The following CASR variants were observed in gnomAD, a reference collection of about 807,000 sequenced individuals.
CASR encodes calcium sensing receptor.
In CASR, 23 loss-of-function variants were observed where a neutral mutation model predicts 69.1. The ratio of observed to expected loss-of-function variants is 0.33; its 90% CI spans 0.24 to 0.47. The LOEUF (loss-of-function observed/expected upper bound fraction) is 0.47, where lower values mean the gene tolerates loss of function less well. CASR is among the 20% of genes least tolerant of loss of function. CASR has a pLI of 1.00. For synonymous variants in CASR, 541 were observed against 544.7 expected, an observed-to-expected ratio of 0.99 and a Z score of 0.10; for missense variants, 924 against 1,356.1, an observed-to-expected ratio of 0.68 and a Z score of 5.00.
At chr3:122,238,155 G>C (rs2074346752) in intron 1 of CASR, among the ~76,000 whole-genome samples, 2 of 152,190 alleles carry the variant, frequency 1.3e-5, no homozygotes, top group African/African-American at 4.8e-5. Context: ...GCACTGAGGA[G>C]GGTAGGAAAG....
intron 1 of CASR, among the ~76,000 whole-genome samples, chr3:122,238,564 A>AG (rs2074351807): frequency 6.6e-6 from 1 of 152,236 alleles, no homozygotes; most frequent in South Asian, 2.1e-4. Flanking sequence ...GGACTAGAGC[A>AG]GCAGGTGACC....
intron 1 of CASR, among the ~76,000 whole-genome samples, chr3:122,200,277 C>A (rs188997880): frequency 8.5e-5 from 13 of 152,252 alleles, no homozygotes; most frequent in African/African-American, 2.4e-5. Context: ...ATGCTAATTA[C>A]CCTGATTTGA....
At position 122,254,451 on chromosome 3, in the gene CASR, T is replaced by C. The variant is rs2074532814; in HGVS notation, c.185+77T>C. The C allele has an allele frequency of 2.8e-6, 4 of 1,438,422 alleles. No homozygotes were observed. In the South Asian group the frequency reaches 4.6e-5, roughly 17 times the overall value. The allele number at this position is 1,438,422 out of a possible 1,614,324, so 89.1% of individuals were successfully genotyped here. ...AAAAGCTGCACCAAACGCAAAATAATTTTTTCAAACTTTGTCCTATCTTTT... is the reference window on the plus strand; with the variant it reads ...AAAAGCTGCACCAAACGCAAAATAACTTTTTCAAACTTTGTCCTATCTTTT... On this transcript the variant is annotated intron_variant, in intron 2 of 6. Coordinates refer to ENST00000639785, the MANE Select transcript of CASR (RefSeq NM_000388.4).
In CASR at chr3:122,236,829, T is replaced by C. The variant is rs1332590138; in HGVS notation, c.-242-17119T>C. On this transcript the variant is annotated intron_variant, in intron 1 of 6. Transcript: ENST00000639785. ...ATTAACAAATATATCTAGAAAAATA[T>C]GAAGTAGTCCTAAGCAGAAAGGTTT... Among the ~76,000 whole-genome samples the C allele has an allele frequency of 3.3e-5, 5 of 152,144 alleles. No homozygotes were observed. In the East Asian group the frequency reaches 9.6e-4, roughly 29 times the overall value.
At chr3:122,254,441 C>T (rs931087409) in intron 2 of CASR, 67 bp downstream of exon 2, 69 of 1,486,274 alleles carry the variant, frequency 4.6e-5, no homozygotes, top group East Asian at 2.9e-4. Flanking sequence ...CTGCACCAAA[C>T]GCAAAATAAT....
Position 122,252,441 on chromosome 3 carries a change from GAAAGAAAA to G in CASR, c.-242-1503_-242-1496del, listed in dbSNP as rs764668444. On this transcript the variant is annotated intron_variant, in intron 1 of 6. Coordinates refer to ENST00000639785, the MANE Select transcript of CASR (RefSeq NM_000388.4). ...AGAAAGAAAGAAAGAAAGAAAGAAA[GAAAGAAAA>G]AAAAGAAAAGAAAGAAAAGAAAAGA... is the stretch of plus-strand genomic sequence containing the variant. Among the ~76,000 whole-genome samples, 272 of 79,094 alleles carry G rather than the reference GAAAGAAAA, an allele frequency of 3.4e-3. 17 individuals are homozygous for G. The highest frequency in any genetic ancestry group is 6.9e-3 in the Middle Eastern group (1 of 144). The allele number at this position is 79,094 out of a possible 152,430, so 51.9% of individuals were successfully genotyped here.
intron 1 of CASR, among the ~76,000 whole-genome samples, chr3:122,248,255 A>G (rs1036508797): frequency 1.3e-5 from 2 of 152,220 alleles, no homozygotes; most frequent in African/African-American, 4.8e-5. Context: ...AGAGTCCCTA[A>G]TTCTTTGGCA....
rs192993661 is a variant in CASR at position 122,212,433 on chromosome 3, G to A, written c.-243+28621G>A. ...AAGTTGGGGTCAGGGAGCACATCAG[G>A]ATAAATAGCTAATGCATGCTGGGCT... On this transcript the variant is annotated intron_variant, in intron 1 of 6. Coordinates refer to ENST00000639785, the MANE Select transcript of CASR (RefSeq NM_000388.4). Among the ~76,000 whole-genome samples, 118 of 152,292 alleles carry A rather than the reference G, an allele frequency of 7.7e-4. 2 individuals carry two copies. Among genetic ancestry groups the A allele is most frequent in the Middle Eastern group, 3.4e-3 (1 of 294 alleles).
chr3:122,200,010 C>T (rs1000727259), intron 1 of CASR, among the ~76,000 whole-genome samples: 8 of 152,290 alleles, frequency 5.3e-5, no homozygotes, highest in East Asian at 1.9e-4. Context: ...CCAGTTCAAG[C>T]GATTCTCCTG....
rs564591676 is a variant in CASR at position 122,201,003 on chromosome 3, T to C, written c.-243+17191T>C. ...TTTGCCCATTGCTTTTCTTTTTTTTTTATTTTTTTTTTTTTTATTGATCAT... is the reference window on the plus strand; with the variant it reads ...TTTGCCCATTGCTTTTCTTTTTTTTCTATTTTTTTTTTTTTTATTGATCAT... On this transcript the variant is annotated intron_variant, in intron 1 of 6. Transcript: ENST00000639785. Among the ~76,000 whole-genome samples, 206 of 64,112 alleles carry C rather than the reference T, an allele frequency of 3.2e-3. 1 individual carries two copies. Among genetic ancestry groups the C allele is most frequent in the African/African-American group, 9.3e-3 (200 of 21,502 alleles). The allele number at this position is 64,112 out of a possible 152,430, so 42.1% of individuals were successfully genotyped here. A position where few individuals can be genotyped will look rare whatever the true frequency, so the allele number is the denominator to read the frequency against.
Position 122,284,562 on chromosome 3 carries a change from G to C in CASR, c.2608G>C (p.Glu870Gln). The C allele has an allele frequency of 1.2e-6, 2 of 1,614,040 alleles. No individual in the cohort carries two copies. The highest frequency in any genetic ancestry group is 2.2e-5 in the East Asian group (1 of 44,878). Reference protein sequence around the residue: ...ILFKPSRNTIEEVRCSTAAHA... With the variant: ...ILFKPSRNTIQEVRCSTAAHA... ...CTTCAAGCCATCCCGCAACACCATC[G>C]AGGAGGTGCGTTGCAGCACCGCAGC... Residue 870 changes from glutamate (E) to glutamine (Q), a missense_variant, in exon 7 of 7, where the codon GAG (glutamate) becomes CAG (glutamine). Glu to Gln is a conservative substitution (Grantham distance 29). Around this residue, in one of 8 missense-constraint regions of CASR, gnomAD observed 42 missense variants for 73.2 expected, o/e 0.57. Transcript: ENST00000639785.
At chr3:122,229,752 C>T (rs182021132) in intron 1 of CASR, among the ~76,000 whole-genome samples, 129 of 152,292 alleles carry the variant, frequency 8.5e-4, no homozygotes, top group Middle Eastern at 3.4e-3. Context: ...ATCTCAGCTA[C>T]TCGGGAGGCT....
intron 1 of CASR, among the ~76,000 whole-genome samples, chr3:122,226,268 A>G (rs1205968610): frequency 6.6e-6 from 1 of 151,936 alleles, no homozygotes; most frequent in African/African-American, 2.4e-5. Flanking sequence ...CTGGCTCAGG[A>G]GTGAAGCTGC....
intron 1 of CASR, among the ~76,000 whole-genome samples, chr3:122,240,350 G>A (rs2074368571): frequency 6.6e-6 from 1 of 152,180 alleles, no homozygotes; most frequent in African/African-American, 2.4e-5. Flanking sequence ...GATATTCCAT[G>A]CCAATGGAAA....
At chr3:122,276,684 G>A (rs932279911) in intron 5 of CASR, among the ~76,000 whole-genome samples, 11 of 152,176 alleles carry the variant, frequency 7.2e-5, no homozygotes, top group African/African-American at 1.9e-4. Context: ...GTGACAGCCC[G>A]GGCTGCTGAA....
At chr3:122,273,619 G>A (rs990716357) in intron 4 of CASR, among the ~76,000 whole-genome samples, 1 of 152,104 alleles carries the variant, frequency 6.6e-6, no homozygotes, top group Non-Finnish European at 1.5e-5. Flanking sequence ...AAGTATGGAG[G>A]GCTTTGGAAG....
chr3:122,222,670 T>A (rs1316870419), intron 1 of CASR, among the ~76,000 whole-genome samples: 1 of 151,906 alleles, frequency 6.6e-6, no homozygotes, highest in Non-Finnish European at 1.5e-5. Context: ...CAAGGCAGTA[T>A]CTAACAAAGA....
chr3:122,256,012 C>G (rs962612993), intron 2 of CASR, among the ~76,000 whole-genome samples: 3 of 152,234 alleles, frequency 2.0e-5, no homozygotes, highest in African/African-American at 7.2e-5. Context: ...AACTATGTCA[C>G]TGACCCTATT....
intron 3 of CASR, among the ~76,000 whole-genome samples, chr3:122,259,129 G>T (rs1265217682): frequency 6.6e-6 from 1 of 152,120 alleles, no homozygotes. Context: ...GCACAAAATG[G>T]TATTTACCCC....
Sources: gnomAD v4.1 joint callset for allele counts (sites outside exome capture counted in the v4.1 genomes callset) on GRCh38, gnomAD v4.1.1 for gene constraint, gnomAD v4.1.1 regional missense constraint, MANE v1.5 for transcripts, NCBI Gene and HGNC (gene_info 2026-07-23, HGNC 2026-07-21) for gene names.